The following KIRREL3 variants were observed in gnomAD, a reference collection of about 807,000 sequenced individuals.
KIRREL3 encodes the protein kin of IRRE-like protein 3.
In KIRREL3, 36 loss-of-function variants were observed where a neutral mutation model predicts 89.7. The ratio of observed to expected loss-of-function variants is 0.40; its 90% CI spans 0.31 to 0.53. The LOEUF (loss-of-function observed/expected upper bound fraction) is 0.53. KIRREL3 is among the 20% of genes least tolerant of loss of function. The pLI is 0.49. For synonymous variants in KIRREL3, 445 were observed against 441.4 expected, an observed-to-expected ratio of 1.01 and a Z score of -0.10; for missense variants, 864 against 1,056.6, an observed-to-expected ratio of 0.82 and a Z score of 2.53.
rs1021581213 is a variant in KIRREL3 at position 126,608,628 on chromosome 11, C to G, written c.56-45716G>C. On this transcript the variant is annotated intron_variant, in intron 1 of 16. Transcript: ENST00000525144. This position sits in a 1 kb window ranked among gnomAD's most constrained non-coding sequence, Gnocchi z 4.9. ...TAATCACCCTGGACTAATCCATACA[C>G]AAAATCCTGTGGCTGCAGTAGGAGC... 6.6e-6 allele frequency among the ~76,000 whole-genome samples: 1 copy of G among 152,210 alleles called. No homozygotes were observed. Among genetic ancestry groups the G allele is most frequent in the Non-Finnish European group, 1.5e-5 (1 of 68,054 alleles).
At chr11:126,894,081 G>A (rs1946037912) in intron 1 of KIRREL3, among the ~76,000 whole-genome samples, 1 of 152,210 alleles carries the variant, frequency 6.6e-6, no homozygotes, top group African/African-American at 2.4e-5. Flanking sequence ...TTCCACTGTT[G>A]ACACGTCCAC....
intron 1 of KIRREL3, among the ~76,000 whole-genome samples, chr11:126,822,778 G>T (rs1296553038): frequency 1.3e-5 from 2 of 152,086 alleles, no homozygotes; most frequent in African/African-American, 4.8e-5. Context: ...GAAGAGCCAG[G>T]GTCTGGCCAG....
chr11:126,727,306 A>C (rs1948428740), intron 1 of KIRREL3, among the ~76,000 whole-genome samples: 1 of 152,262 alleles, frequency 6.6e-6, no homozygotes, highest in South Asian at 2.1e-4. Context: ...TCAGAAGCTC[A>C]GCTACCTCTC....
intron 2 of KIRREL3, among the ~76,000 whole-genome samples, chr11:126,560,124 C>T (rs1197953910): frequency 6.6e-6 from 1 of 152,212 alleles, no homozygotes; most frequent in Admixed American, 6.6e-5. Flanking sequence ...AGCACATGTG[C>T]TTAATCACAT....
intron 1 of KIRREL3, among the ~76,000 whole-genome samples, chr11:126,567,009 C>T (rs1422280444): frequency 3.3e-5 from 5 of 152,112 alleles, no homozygotes; most frequent in Non-Finnish European, 5.9e-5. Context: ...GGGTAAAGTA[C>T]GGGGTCGCAG....
At position 126,562,249 on chromosome 11, in the gene KIRREL3, C is replaced by A. The variant is rs564467055; in HGVS notation, c.133+586G>T. Among the ~76,000 whole-genome samples the A allele has an allele frequency of 6.6e-6, 1 of 152,076 alleles. No homozygotes were observed. Among genetic ancestry groups the A allele is most frequent in the Non-Finnish European group, 1.5e-5 (1 of 68,026 alleles). On this transcript the variant is annotated intron_variant, in intron 2 of 16. Coordinates refer to ENST00000525144, the MANE Select transcript of KIRREL3 (RefSeq NM_032531.4). The surrounding 1 kb of genome is among the most constrained non-coding windows in gnomAD (Gnocchi z 4.7). ...CCCAGCCTCTATGCCAATGTCAACACGTTTCTCAAGCCTTCAGTGACCCAA... is the reference window on the plus strand; with the variant it reads ...CCCAGCCTCTATGCCAATGTCAACAAGTTTCTCAAGCCTTCAGTGACCCAA...
chr11:126,904,334 G>A lies in KIRREL3; in HGVS notation c.55+96121C>T, dbSNP rs1946491231. 6.6e-6 allele frequency among the ~76,000 whole-genome samples: 1 copy of A among 152,162 alleles called. No homozygotes were observed. The highest frequency in any genetic ancestry group is 1.5e-5 in the Non-Finnish European group (1 of 68,028). On this transcript the variant is annotated intron_variant, in intron 1 of 16. Transcript: ENST00000525144. The surrounding 1 kb of genome is among the most constrained non-coding windows in gnomAD (Gnocchi z 4.4). ...TATGGCCCGAAGCCCCCAAACTCAT[G>A]ATTATTTGCTATTTTGCCATTGCTA...
Position 126,569,276 on chromosome 11 carries a change from G to A in KIRREL3, c.56-6364C>T, listed in dbSNP as rs989747894. On this transcript the variant is annotated intron_variant, in intron 1 of 16. Coordinates refer to ENST00000525144, the MANE Select transcript of KIRREL3 (RefSeq NM_032531.4). This position sits in a 1 kb window ranked among gnomAD's most constrained non-coding sequence, Gnocchi z 6.5. ...GGTGACAAGGTTCTAAAGTGAAGAG[G>A]ACTTGGATGATCATGTGAGAAGGAG... Among the ~76,000 whole-genome samples the A allele has an allele frequency of 3.9e-5, 6 of 152,164 alleles. No individual in the cohort carries two copies. The highest frequency in any genetic ancestry group is 1.4e-4 in the African/African-American group (6 of 41,442).
At chr11:126,846,259 G>C (rs1195313794) in intron 1 of KIRREL3, among the ~76,000 whole-genome samples, 2 of 152,120 alleles carry the variant, frequency 1.3e-5, no homozygotes, top group African/African-American at 2.4e-5. Flanking sequence ...TTAGGCCCTA[G>C]AAACTTCATG....
At chr11:126,962,388 T>C (rs538317133) in intron 1 of KIRREL3, among the ~76,000 whole-genome samples, 1 of 152,280 alleles carries the variant, frequency 6.6e-6, no homozygotes, top group South Asian at 2.1e-4. Flanking sequence ...GGGTTCAAGA[T>C]TTCAGTGGAG....
At chr11:126,880,220 A>C (rs1481848682) in intron 1 of KIRREL3, among the ~76,000 whole-genome samples, 1 of 152,216 alleles carries the variant, frequency 6.6e-6, no homozygotes, top group Non-Finnish European at 1.5e-5. Flanking sequence ...TACCTTCCCA[A>C]TATCAACCAC....
rs1949289292 is a variant in KIRREL3 at position 126,750,218 on chromosome 11, C to A, written c.56-187306G>T. On this transcript the variant is annotated intron_variant, in intron 1 of 16. Coordinates refer to ENST00000525144, the MANE Select transcript of KIRREL3 (RefSeq NM_032531.4). The surrounding 1 kb of genome is among the most constrained non-coding windows in gnomAD (Gnocchi z 4.2). Reference sequence around the variant, plus strand: ...CAAAGCCACTTTGTCAAACCTGGGGCCAGAACTTGGGGCCTTTATTTCTCA... The same window carrying A: ...CAAAGCCACTTTGTCAAACCTGGGGACAGAACTTGGGGCCTTTATTTCTCA... Among the ~76,000 whole-genome samples the A allele has an allele frequency of 6.6e-6, 1 of 152,180 alleles. No homozygotes were observed. The highest frequency in any genetic ancestry group is 1.5e-5 in the Non-Finnish European group (1 of 68,038).
In KIRREL3 at chr11:126,992,632, T is replaced by C. The variant is rs572142568; in HGVS notation, c.55+7823A>G. 2.0e-5 allele frequency: 3 copies of C among 152,348 alleles called. No individual in the cohort carries two copies. In the South Asian group the frequency reaches 6.2e-4, roughly 32 times the overall value. 9.4% of individuals were successfully genotyped at this position (152,348 alleles called of 1,614,324 possible). ...CATCTTCTGAGTAGAATTGTTTCACTTGTAACCTTGGTTTCCCTAAAGCCA... is the reference window on the plus strand; with the variant it reads ...CATCTTCTGAGTAGAATTGTTTCACCTGTAACCTTGGTTTCCCTAAAGCCA... On this transcript the variant is annotated intron_variant, in intron 1 of 16. Transcript: ENST00000525144.
chr11:126,490,867 C>T lies in KIRREL3; in HGVS notation c.434-17401G>A, dbSNP rs1957492626. ...TCAAATAGGAAGACGCCACTGCTTC[C>T]TTCTGGAGTGCAAGGTCAGGCAGGG... is the stretch of plus-strand genomic sequence containing the variant. On this transcript the variant is annotated intron_variant, in intron 4 of 16. Transcript: ENST00000525144. The surrounding 1 kb of genome is among the most constrained non-coding windows in gnomAD (Gnocchi z 4.2). Among the ~76,000 whole-genome samples, 1 of 152,148 alleles carries T rather than the reference C, an allele frequency of 6.6e-6. No individual in the cohort carries two copies. Among genetic ancestry groups the T allele is most frequent in the Non-Finnish European group, 1.5e-5 (1 of 68,030 alleles).
Position 126,843,551 on chromosome 11 carries a change from G to A in KIRREL3, c.55+156904C>T, listed in dbSNP as rs1202182968. Among the ~76,000 whole-genome samples, 6 of 152,156 alleles carry A rather than the reference G, an allele frequency of 3.9e-5. No homozygotes were observed. The highest frequency in any genetic ancestry group is 5.9e-5 in the Non-Finnish European group (4 of 68,008). On this transcript the variant is annotated intron_variant, in intron 1 of 16. Transcript: ENST00000525144. This position sits in a 1 kb window ranked among gnomAD's most constrained non-coding sequence, Gnocchi z 4.6. ...CAATCAAACCAAAGCATGCCTAAGC[G>A]ATAACTGGAGTCCCGACGGCTAGTG... is the stretch of plus-strand genomic sequence containing the variant.
intron 1 of KIRREL3, among the ~76,000 whole-genome samples, chr11:126,810,568 G>A (rs1162020876): frequency 1.3e-5 from 2 of 151,758 alleles, no homozygotes; most frequent in African/African-American, 4.8e-5. Context: ...GTAAATGGGA[G>A]TATGGAACCG....
chr11:126,956,614 T>G (rs958998098), intron 1 of KIRREL3, among the ~76,000 whole-genome samples: 4 of 152,112 alleles, frequency 2.6e-5, no homozygotes, highest in Non-Finnish European at 5.9e-5. Flanking sequence ...GGGGTGGTAG[T>G]CGGGGTGGAT....
Position 126,808,641 on chromosome 11 carries a change from C to T in KIRREL3, c.55+191814G>A, listed in dbSNP as rs150322822. Among the ~76,000 whole-genome samples, 191 of 152,294 alleles carry T rather than the reference C, an allele frequency of 1.3e-3. 1 individual carries two copies. The highest frequency in any genetic ancestry group is 4.1e-3 in the African/African-American group (172 of 41,566). On this transcript the variant is annotated intron_variant, in intron 1 of 16. Transcript: ENST00000525144. This position sits in a 1 kb window ranked among gnomAD's most constrained non-coding sequence, Gnocchi z 4.1. ...CCAAATGGGCGGGGGCCTTTTTCTGCGCTTTTTAACCATCTCAGATTAAAT... is the reference window on the plus strand; with the variant it reads ...CCAAATGGGCGGGGGCCTTTTTCTGTGCTTTTTAACCATCTCAGATTAAAT...
rs1956596265 is a variant in KIRREL3 at position 126,462,998 on chromosome 11, G to A, written c.742+159C>T. Among the ~76,000 whole-genome samples the A allele has an allele frequency of 6.6e-6, 1 of 152,210 alleles. No individual in the cohort carries two copies. The highest frequency in any genetic ancestry group is 2.4e-5 in the African/African-American group (1 of 41,440). On this transcript the variant is annotated intron_variant, in intron 6 of 16. Transcript: ENST00000525144. The surrounding 1 kb of genome is among the most constrained non-coding windows in gnomAD (Gnocchi z 4.8). ...GGTTGCATCTCATGACAGTAAGGAA[G>A]ACAAGATGGTCCTTCCTGTCCGTAT...
Sources: allele counts gnomAD v4.1 joint callset (sites outside exome capture counted in the v4.1 genomes callset), GRCh38; gene constraint gnomAD v4.1.1; non-coding constraint Gnocchi (gnomAD v3.1); transcripts MANE v1.5; gene names NCBI Gene and HGNC (gene_info 2026-07-23, HGNC 2026-07-21).